GRIA4: variants seen among roughly 807,000 people sequenced by gnomAD.
The protein encoded by GRIA4 is glutamate receptor 4.
GRIA4 carries 34 observed loss-of-function variants against 104.0 expected under a neutral mutation model. The ratio of observed to expected loss-of-function variants is 0.33; its 90% CI spans 0.25 to 0.44. The LOEUF (loss-of-function observed/expected upper bound fraction) is 0.44. Ranked by LOEUF, GRIA4 falls within the 20% of genes least tolerant of loss-of-function variation. The pLI is 1.00. For synonymous variants in GRIA4, 386 were observed against 381.9 expected (o/e 1.01, Z -0.13); for missense variants, 750 against 1,096.5 (o/e 0.68, Z 4.46).
intron 3 of GRIA4, among the ~76,000 whole-genome samples, chr11:105,618,050 A>G (rs1950645951): frequency 6.6e-6 from 1 of 151,976 alleles, no homozygotes; most frequent in African/African-American, 2.4e-5. Context: ...ATGCCTCGTC[A>G]AAGGAGTAGT....
chr11:105,870,744 G>T lies in GRIA4; in HGVS notation c.672+8536G>T, dbSNP rs577922037. Among the ~76,000 whole-genome samples, 108 of 152,148 alleles carry T rather than the reference G, an allele frequency of 7.1e-4. 1 individual carries two copies. The highest frequency in any genetic ancestry group is 2.5e-3 in the African/African-American group (105 of 41,510). On this transcript the variant is annotated intron_variant, in intron 5 of 16. Transcript: ENST00000282499. ...ATGAGATTGCCAAGGCAAATTAAAG[G>T]CAGATTATGAGTGGCCTCATGGGCT...
chr11:105,705,694 T>C (rs1247107239), intron 3 of GRIA4, among the ~76,000 whole-genome samples: 1 of 151,590 alleles, frequency 6.6e-6, no homozygotes, highest in East Asian at 1.9e-4. Context: ...ATAGTACAAA[T>C]TAAAACAAGG....
intron 4 of GRIA4, among the ~76,000 whole-genome samples, chr11:105,850,884 G>A (rs1944783232): frequency 6.6e-6 from 1 of 152,096 alleles, no homozygotes; most frequent in South Asian, 2.1e-4. Context: ...ATCCTTAATA[G>A]GGGAATAAAA....
intron 4 of GRIA4, among the ~76,000 whole-genome samples, chr11:105,765,115 G>A (rs998381334): frequency 3.9e-5 from 6 of 152,070 alleles, no homozygotes; most frequent in African/African-American, 1.2e-4. Flanking sequence ...GCCCTCAGAA[G>A]GAAGACAGCA....
chr11:105,756,499 C>T (rs1045365970), intron 4 of GRIA4, among the ~76,000 whole-genome samples: 1 of 151,960 alleles, frequency 6.6e-6, no homozygotes, highest in African/African-American at 2.4e-5. Context: ...GAAACAATAG[C>T]AAAATAGTTA....
At position 105,910,648 on chromosome 11, in the gene GRIA4, G is replaced by A. The variant is rs78909303; in HGVS notation, c.1269+103G>A. On this transcript the variant is annotated intron_variant, in intron 10 of 16. Transcript: ENST00000282499. Reference sequence around the variant, plus strand: ...AGGGCAAAGCTGACTGTTAGCAATGGTGACATGGGTGTTCTGATCCACAAA... The same window carrying A: ...AGGGCAAAGCTGACTGTTAGCAATGATGACATGGGTGTTCTGATCCACAAA... The A allele has an allele frequency of 1.1e-3, 742 of 668,826 alleles. 6 individuals carry two copies. In the African/African-American group the frequency reaches 0.012, roughly 10 times the overall value. The allele number at this position is 668,826 out of a possible 1,614,324, so 41.4% of individuals were successfully genotyped here.
At chr11:105,627,617 G>A (rs935084483) in intron 3 of GRIA4, among the ~76,000 whole-genome samples, 1 of 152,042 alleles carries the variant, frequency 6.6e-6, no homozygotes, top group Non-Finnish European at 1.5e-5. Flanking sequence ...ACCCATTTTG[G>A]TATGTAATTC....
chr11:105,819,407 G>C (rs1156337072), intron 4 of GRIA4, among the ~76,000 whole-genome samples: 1 of 152,080 alleles, frequency 6.6e-6, no homozygotes, highest in African/African-American at 2.4e-5. Flanking sequence ...ACTCATAACA[G>C]TACTCAGCAC....
At chr11:105,763,347 G>A (rs1940760728) in intron 4 of GRIA4, among the ~76,000 whole-genome samples, 1 of 152,144 alleles carries the variant, frequency 6.6e-6, no homozygotes, top group Non-Finnish European at 1.5e-5. Flanking sequence ...TGTGATGACA[G>A]TGTTTCACTA....
chr11:105,779,644 A>AC (rs1452548848), intron 4 of GRIA4, among the ~76,000 whole-genome samples: 3 of 151,910 alleles, frequency 2.0e-5, no homozygotes, highest in East Asian at 1.9e-4. Context: ...ATAAAAAAAA[A>AC]AACAACAAAA....
chr11:105,806,914 A>T (rs1004933269), intron 4 of GRIA4, among the ~76,000 whole-genome samples: 1 of 151,878 alleles, frequency 6.6e-6, no homozygotes, highest in Non-Finnish European at 1.5e-5. Context: ...ATTGAAGTGT[A>T]ACATTGACAA....
intron 14 of GRIA4, among the ~76,000 whole-genome samples, chr11:105,945,880 C>T (rs1948294982): frequency 6.6e-6 from 1 of 151,920 alleles, no homozygotes; most frequent in Non-Finnish European, 1.5e-5. Flanking sequence ...CAATAGTGCT[C>T]ACAAAAATAT....
At chr11:105,897,980 T>TC (rs1946716190) in intron 6 of GRIA4, among the ~76,000 whole-genome samples, 1 of 152,136 alleles carries the variant, frequency 6.6e-6, no homozygotes, top group Non-Finnish European at 1.5e-5. Context: ...ATCTCCTGTA[T>TC]CCCCCTTTAT....
At chr11:105,627,349 C>T (rs1950912966) in intron 3 of GRIA4, among the ~76,000 whole-genome samples, 1 of 151,752 alleles carries the variant, frequency 6.6e-6, no homozygotes, top group South Asian at 2.1e-4. Context: ...GACAGCACTG[C>T]GAGGCAGGGA....
chr11:105,684,523 A>C (rs926625628), intron 3 of GRIA4, among the ~76,000 whole-genome samples: 3 of 114,852 alleles, frequency 2.6e-5, no homozygotes, highest in African/African-American at 9.2e-5. Flanking sequence ...TCTGAGTAAA[A>C]ATAAGGCAAA....
At chr11:105,720,837 C>A (rs868340425) in intron 3 of GRIA4, among the ~76,000 whole-genome samples, 1 of 152,104 alleles carries the variant, frequency 6.6e-6, no homozygotes, top group Non-Finnish European at 1.5e-5. Context: ...GCTGCTCATT[C>A]GGAATAGTGT....
rs941924358 is a variant in GRIA4 at position 105,669,202 on chromosome 11, A to G, written c.247+56768A>G. Among the ~76,000 whole-genome samples the G allele has an allele frequency of 2.0e-5, 3 of 152,026 alleles. No homozygotes were observed. The East Asian group carries it at 5.8e-4, about 30-fold the overall frequency. On this transcript the variant is annotated intron_variant, in intron 3 of 16. Transcript: ENST00000282499. ...GCTCTTACAACTTCTGTCCTAATTT[A>G]GACCGCAATTTTTTTCCTGGACAAT... is the stretch of plus-strand genomic sequence containing the variant.
At chr11:105,906,119 T>C (rs1282594983) in intron 9 of GRIA4, among the ~76,000 whole-genome samples, 1 of 152,226 alleles carries the variant, frequency 6.6e-6, no homozygotes, top group Non-Finnish European at 1.5e-5. Context: ...TTTCATGTTT[T>C]TATGTAATGA....
intron 14 of GRIA4, among the ~76,000 whole-genome samples, chr11:105,960,824 G>A (rs181730212): frequency 7.9e-4 from 121 of 152,328 alleles, no homozygotes; most frequent in African/African-American, 2.7e-3. Flanking sequence ...CAGTTTCCCC[G>A]GATGGGTAGC....
Sources: allele counts gnomAD v4.1 joint callset (sites outside exome capture counted in the v4.1 genomes callset), GRCh38; gene constraint gnomAD v4.1.1; transcripts MANE v1.5; gene names NCBI Gene and HGNC (gene_info 2026-07-23, HGNC 2026-07-21).